SLIT3: variants seen among roughly 807,000 people sequenced by gnomAD.
SLIT3 encodes the protein slit homolog 3 protein.
SLIT3 carries 68 observed loss-of-function variants against 184.0 expected under a neutral mutation model. The ratio of observed to expected loss-of-function variants is 0.37; its 90% CI spans 0.30 to 0.45. SLIT3 has a LOEUF of 0.45. Ranked by LOEUF, SLIT3 falls within the 20% of genes least tolerant of loss-of-function variation. The pLI is 1.00. For synonymous variants in SLIT3, 831 were observed against 828.6 expected (o/e 1.00, Z -0.05); for missense variants, 1,707 against 2,026.0 (o/e 0.84, Z 3.02).
At position 168,789,608 on chromosome 5, in the gene SLIT3, G is replaced by A. The variant is rs759032960; in HGVS notation, c.1031C>T (p.Ser344Leu). The A allele has an allele frequency of 2.5e-6, 4 of 1,613,566 alleles. No individual in the cohort carries two copies. Among genetic ancestry groups the A allele is most frequent in the Non-Finnish European group, 2.5e-6 (3 of 1,179,810 alleles). ...CTGGAAGGCATCTGGAGCAATATCC[G>A]ATATCTGATTCTTGCTGATGTCTCT... ...KRIDISKNQI[S>L]DIAPDAFQGL... is the part of the protein sequence containing the mutation. The change falls in exon 11 of 36, where the codon TCG (serine) becomes TTG (leucine). Residue 344 changes from serine to leucine, a missense_variant. This residue lies in a region of SLIT3 where 1,307 missense variants were observed against 1,511.6 expected (regional missense o/e 0.86). Transcript: ENST00000519560.
chr5:168,762,471 G>C, intron 15 of SLIT3, 68 bp downstream of exon 15: 1 of 1,554,146 alleles, frequency 6.4e-7, no homozygotes, highest in South Asian at 1.1e-5. Flanking sequence ...AGGAGACCCT[G>C]CCCACGCTGG....
intron 10 of SLIT3, chr5:168,792,265 T>G (rs1756404150): frequency 6.6e-6 from 1 of 152,232 alleles, no homozygotes; most frequent in Non-Finnish European, 1.5e-5. Context: ...CTCCTAGAAC[T>G]GATTCTGGGC....
rs148212116 is a variant in SLIT3 at position 168,719,546 on chromosome 5, T to C, written c.2483+2710A>G. Among the ~76,000 whole-genome samples, 70 of 152,358 alleles carry C rather than the reference T, an allele frequency of 4.6e-4. No homozygotes were observed. The South Asian group carries it at 5.2e-3, about 11-fold the overall frequency. ...GCTATGTGATAAGCACTTTCCCACA[T>C]TGCTATCTAGTTTTCATCTTTGCCT... On this transcript the variant is annotated intron_variant, in intron 23 of 35. Coordinates refer to ENST00000519560, the MANE Select transcript of SLIT3 (RefSeq NM_003062.4).
At chr5:168,927,207 A>C (rs992889826) in intron 4 of SLIT3, among the ~76,000 whole-genome samples, 7 of 152,190 alleles carry the variant, frequency 4.6e-5, no homozygotes, top group African/African-American at 1.7e-4. Context: ...GGAAATTTGG[A>C]CCCATGCTAA....
chr5:168,768,350 C>T (rs936177096), intron 14 of SLIT3: 12 of 460,286 alleles, frequency 2.6e-5, no homozygotes, highest in African/African-American at 1.4e-4. Context: ...CCCCACTGAG[C>T]GTGATTAGTA....
intron 3 of SLIT3, among the ~76,000 whole-genome samples, chr5:169,234,588 G>A (rs1397696015): frequency 1.3e-5 from 2 of 151,810 alleles, no homozygotes; most frequent in Admixed American, 1.3e-4. Context: ...TTTATTTTTG[G>A]TAGAGACGAG....
chr5:169,163,900 GT>G (rs1297632497), intron 4 of SLIT3, among the ~76,000 whole-genome samples: 1 of 152,046 alleles, frequency 6.6e-6, no homozygotes, highest in East Asian at 1.9e-4. Flanking sequence ...TGCCCCATTC[GT>G]TCCTTTGGGC....
intron 4 of SLIT3, among the ~76,000 whole-genome samples, chr5:168,974,869 T>C (rs1696791908): frequency 6.6e-6 from 1 of 152,224 alleles, no homozygotes. Context: ...GAGGTGGCCC[T>C]GGCCTTCCAC....
Position 168,687,067 on chromosome 5 carries a change from CATT to C in SLIT3, c.3223_3225del (p.Asn1075del), listed in dbSNP as rs1394099931. ...CGGCACTTGTGGGCCACACAGTCAT[CATT>C]GTCTGTCTCACAGAGCTTCCCGCTG... On this transcript the variant is annotated inframe_deletion, in exon 30 of 36. Coordinates refer to ENST00000519560, the MANE Select transcript of SLIT3 (RefSeq NM_003062.4). 6 of 1,614,260 alleles carry C rather than the reference CATT, an allele frequency of 3.7e-6. No homozygotes were observed. In the East Asian group the frequency reaches 1.1e-4, roughly 30 times the overall value.
At chr5:169,163,845 G>A (rs1762552028) in intron 4 of SLIT3, among the ~76,000 whole-genome samples, 1 of 152,146 alleles carries the variant, frequency 6.6e-6, no homozygotes, top group South Asian at 2.1e-4. Context: ...CCACTTTCAG[G>A]CTAGTTTTTC....
chr5:168,937,834 G>A (rs917549738), intron 4 of SLIT3, among the ~76,000 whole-genome samples: 2 of 151,982 alleles, frequency 1.3e-5, no homozygotes, highest in African/African-American at 4.8e-5. Context: ...ACAGCACGTG[G>A]CAAAGAAAAG....
At chr5:168,980,884 G>A (rs1754923742) in intron 4 of SLIT3, among the ~76,000 whole-genome samples, 1 of 152,144 alleles carries the variant, frequency 6.6e-6, no homozygotes, top group Non-Finnish European at 1.5e-5. Flanking sequence ...TGTTTACGAT[G>A]TAAAGTGAAA....
chr5:168,780,622 G>A (rs1240114967), intron 12 of SLIT3, among the ~76,000 whole-genome samples: 2 of 152,242 alleles, frequency 1.3e-5, no homozygotes, highest in South Asian at 2.1e-4. Flanking sequence ...CGAACGCTTA[G>A]TGAAGACACC....
At chr5:169,103,166 A>C (rs295990) in intron 4 of SLIT3, among the ~76,000 whole-genome samples, 119,675 of 152,156 alleles carry the variant, frequency 0.79, 47,192 homozygotes, top group East Asian at 0.92. Context: ...ACAGAGGTGG[A>C]AACCAGAGCA....
intron 19 of SLIT3, among the ~76,000 whole-genome samples, chr5:168,748,930 C>T (rs1285900824): frequency 6.6e-6 from 1 of 152,112 alleles, no homozygotes; most frequent in Non-Finnish European, 1.5e-5. Context: ...ATAAATATGC[C>T]CTCTGGGATC....
chr5:169,148,767 A>G (rs1581460050), intron 4 of SLIT3, among the ~76,000 whole-genome samples: 1 of 152,362 alleles, frequency 6.6e-6, no homozygotes, highest in East Asian at 1.9e-4. Flanking sequence ...TTTAACAAGG[A>G]AACGGAGTGG....
chr5:169,088,208 C>T (rs150659341), intron 4 of SLIT3, among the ~76,000 whole-genome samples: 28 of 152,258 alleles, frequency 1.8e-4, no homozygotes, highest in Admixed American at 1.4e-3. Context: ...TGCAGTGTGT[C>T]GGCTGGCCGT....
intron 4 of SLIT3, among the ~76,000 whole-genome samples, chr5:169,062,567 G>A (rs978097936): frequency 5.3e-5 from 8 of 152,244 alleles, no homozygotes; most frequent in African/African-American, 9.6e-5. Context: ...CACTTTCCAC[G>A]CCTGTCCTAT....
chr5:169,106,971 G>C (rs1202466512), intron 4 of SLIT3, among the ~76,000 whole-genome samples: 3 of 152,246 alleles, frequency 2.0e-5, no homozygotes, highest in Admixed American at 6.5e-5. Flanking sequence ...TGCAGGAGCA[G>C]GTGAGATGCT....
Sources: allele counts gnomAD v4.1 joint callset (sites outside exome capture counted in the v4.1 genomes callset), GRCh38; gene constraint gnomAD v4.1.1; regional missense constraint gnomAD v4.1.1; transcripts MANE v1.5; gene names NCBI Gene and HGNC (gene_info 2026-07-23, HGNC 2026-07-21).